The following EDA variants were observed in gnomAD, a reference collection of about 807,000 sequenced individuals.
EDA encodes the protein ectodysplasin A.
Under a neutral mutation model 23.6 loss-of-function variants are expected in EDA, and 2 were observed. The ratio of observed to expected loss-of-function variants is 0.08; its 90% CI spans 0.03 to 0.27. The LOEUF (loss-of-function observed/expected upper bound fraction) is 0.27. EDA is among the 10% of genes least tolerant of loss of function. The pLI, the probability that EDA is intolerant of heterozygous loss-of-function variation, is 1.00. For synonymous variants in EDA, 131 were observed against 132.0 expected, an observed-to-expected ratio of 0.99 and a Z score of 0.05; for missense variants, 229 against 324.2, an observed-to-expected ratio of 0.71 and a Z score of 2.26.
intron 1 of EDA, among the ~76,000 whole-genome samples, chrX:69,630,178 A>G (rs1932520205): frequency 9.0e-6 from 1 of 111,375 alleles, no homozygotes; most frequent in African/African-American, 3.3e-5. Flanking sequence ...GAGGGAGTCA[A>G]GGAAGGGGAG....
intron 1 of EDA, chrX:69,749,568 G>A (rs2013743779): frequency 9.0e-6 from 1 of 111,574 alleles, no homozygotes; most frequent in African/African-American, 3.3e-5. Flanking sequence ...GTGAAATACA[G>A]GGTCATTTTA....
intron 1 of EDA, among the ~76,000 whole-genome samples, chrX:69,750,884 T>G (rs1313250337): frequency 8.9e-6 from 1 of 111,949 alleles, no homozygotes; most frequent in Non-Finnish European, 1.9e-5. Context: ...GATTTTTTTC[T>G]TATAAATTTG....
intron 1 of EDA, among the ~76,000 whole-genome samples, chrX:69,838,366 G>A (rs1186442823): frequency 1.3e-4 from 15 of 113,256 alleles, no homozygotes; most frequent in Non-Finnish European, 2.8e-4. Context: ...GGTGGCTCAC[G>A]CCTGTAATCC....
chrX:69,649,824 T>C (rs1399231547), intron 1 of EDA, among the ~76,000 whole-genome samples: 7 of 111,430 alleles, frequency 6.3e-5, no homozygotes, highest in African/African-American at 2.3e-4. Context: ...TGACCTCAGG[T>C]GATCTGCCTA....
intron 1 of EDA, among the ~76,000 whole-genome samples, chrX:69,892,453 A>G (rs983974965): frequency 1.2e-4 from 13 of 111,335 alleles, no homozygotes; most frequent in African/African-American, 4.3e-4. Context: ...TTTAGACACA[A>G]ACTAACAAAA....
At chrX:69,765,041 T>G (rs1476864931) in intron 1 of EDA, among the ~76,000 whole-genome samples, 1 of 112,104 alleles carries the variant, frequency 8.9e-6, no homozygotes, top group Non-Finnish European at 1.9e-5. Flanking sequence ...CTGTTTAGCT[T>G]CTGAAGGAAA....
intron 1 of EDA, among the ~76,000 whole-genome samples, chrX:69,648,591 G>A (rs137960497): frequency 0.013 from 1,408 of 112,184 alleles, 17 homozygotes; most frequent in Non-Finnish European, 0.018. Flanking sequence ...GATGGTGGCC[G>A]CCCCTCCCCA....
rs184066666 is a variant in EDA at position 70,029,195 on chromosome X, G to A, written c.707-309G>A. ...GAGAAGCCAATGCCATTGCCTCAGG[G>A]TCACACAGTGATGGGAATGCTCTCT... is the stretch of plus-strand genomic sequence containing the variant. On this transcript the variant is annotated intron_variant, in intron 4 of 7. Coordinates refer to ENST00000374552, the MANE Select transcript of EDA (RefSeq NM_001399.5). 2.7e-5 allele frequency among the ~76,000 whole-genome samples: 3 copies of A among 112,796 alleles called. No homozygotes were observed. The East Asian group carries it at 8.4e-4, about 32-fold the overall frequency.
At chrX:69,668,609 C>T (rs1201648755) in intron 1 of EDA, among the ~76,000 whole-genome samples, 2 of 111,372 alleles carry the variant, frequency 1.8e-5, no homozygotes, top group Non-Finnish European at 1.9e-5. Context: ...TGGAGTCTCA[C>T]CCTGTCACCC....
At position 70,036,503 on chromosome X, in the gene EDA, G is replaced by C. The variant is rs1245807239; in HGVS notation, c.*894G>C. 8.9e-6 allele frequency: 1 copy of C among 112,614 alleles called. No homozygotes were observed. The highest frequency in any genetic ancestry group is 1.9e-5 in the Non-Finnish European group (1 of 53,240). The allele number at this position is 112,614 out of a possible 1,213,427, so 9.3% of individuals were successfully genotyped here. On this transcript the variant is annotated 3_prime_UTR_variant, in exon 8 of 8. Coordinates refer to ENST00000374552, the MANE Select transcript of EDA (RefSeq NM_001399.5). Reference sequence around the variant, plus strand: ...TAACCTGGGACCTGTGGTCATGTGAGTCTGGGATATTCTTTAGCTTACCTG... The same window carrying C: ...TAACCTGGGACCTGTGGTCATGTGACTCTGGGATATTCTTTAGCTTACCTG...
Position 69,769,707 on chromosome X carries a change from A to G in EDA, c.396+153003A>G, listed in dbSNP as rs147888583. Among the ~76,000 whole-genome samples the G allele has an allele frequency of 9.0e-5, 10 of 111,408 alleles. No individual in the cohort carries two copies. In the East Asian group the frequency reaches 2.8e-3, roughly 31 times the overall value. ...TATGTTAGGGGTTGCTTTAGGGTTTATAGCACACACAACAAGAAAAAAAAT... is the reference window on the plus strand; with the variant it reads ...TATGTTAGGGGTTGCTTTAGGGTTTGTAGCACACACAACAAGAAAAAAAAT... On this transcript the variant is annotated intron_variant, in intron 1 of 7. Transcript: ENST00000374552.
At chrX:69,902,129 T>A (rs926065807) in intron 1 of EDA, among the ~76,000 whole-genome samples, 2 of 112,056 alleles carry the variant, frequency 1.8e-5, no homozygotes, top group South Asian at 7.4e-4. Flanking sequence ...TTGAGTTGAA[T>A]TCAGAATTGT....
chrX:70,023,367 C>A, intron 3 of EDA, 126 bp downstream of exon 3: 1 of 404,085 alleles, frequency 2.5e-6, no homozygotes, highest in South Asian at 4.8e-5. Flanking sequence ...TTTATTCAAT[C>A]ATATGTTATC....
chrX:69,793,688 G>A (rs1462704413), intron 1 of EDA, among the ~76,000 whole-genome samples: 2 of 106,886 alleles, frequency 1.9e-5, no homozygotes, highest in Non-Finnish European at 3.8e-5. Flanking sequence ...GCAAAGAAGA[G>A]GAAGTTTCTC....
rs140868119 is a variant in EDA at position 69,907,682 on chromosome X, C to G, written c.397-49345C>G. Among the ~76,000 whole-genome samples, 800 of 111,790 alleles carry G rather than the reference C, an allele frequency of 7.2e-3. 5 individuals carry two copies. Among genetic ancestry groups the G allele is most frequent in the South Asian group, 0.023 (62 of 2,689 alleles). ...CAAGAACAAGGAAGAGCTAGGCCTA[C>G]TTGGCATCCTGTTAAAAGTGACAGC... is the stretch of plus-strand genomic sequence containing the variant. On this transcript the variant is annotated intron_variant, in intron 1 of 7. Coordinates refer to ENST00000374552, the MANE Select transcript of EDA (RefSeq NM_001399.5).
intron 1 of EDA, among the ~76,000 whole-genome samples, chrX:69,791,141 A>G (rs1389186681): frequency 1.8e-5 from 2 of 112,013 alleles, no homozygotes; most frequent in Non-Finnish European, 3.8e-5. Flanking sequence ...CTGCTTCAAC[A>G]AATATCAATT....
At chrX:69,737,795 C>A (rs1444180257) in intron 1 of EDA, among the ~76,000 whole-genome samples, 1 of 111,081 alleles carries the variant, frequency 9.0e-6, no homozygotes, top group African/African-American at 3.3e-5. Context: ...CTGAAAAGGT[C>A]TTTTTAAAGA....
chrX:69,681,580 C>A (rs1934352283), intron 1 of EDA, among the ~76,000 whole-genome samples: 1 of 111,213 alleles, frequency 9.0e-6, no homozygotes, highest in South Asian at 3.9e-4. Flanking sequence ...TTTCATCTTC[C>A]ATCATTGATA....
At chrX:69,988,418 AAAGG>A (rs2019536467) in intron 2 of EDA, among the ~76,000 whole-genome samples, 1 of 112,531 alleles carries the variant, frequency 8.9e-6, no homozygotes, top group African/African-American at 3.2e-5. Context: ...ATTGTAACAC[AAAGG>A]ATAAATGCCT....
Sources: gnomAD v4.1 joint callset for allele counts (sites outside exome capture counted in the v4.1 genomes callset) on GRCh38, gnomAD v4.1.1 for gene constraint, MANE v1.5 for transcripts, NCBI Gene and HGNC (gene_info 2026-07-23, HGNC 2026-07-21) for gene names.